Variants in UBE2K observed in about 807,000 individuals in gnomAD.
UBE2K encodes the protein ubiquitin conjugating enzyme E2 K.
UBE2K carries 6 observed loss-of-function variants against 30.0 expected under a neutral mutation model. The ratio of observed to expected loss-of-function variants is 0.20; its 90% CI spans 0.11 to 0.39. The LOEUF is 0.39. Among genes scored for constraint, UBE2K ranks in the 10% least tolerant of loss-of-function variants. UBE2K has a pLI of 1.00. For synonymous variants in UBE2K, 86 were observed against 83.7 expected, an observed-to-expected ratio of 1.03 and a Z score of -0.15; for missense variants, 61 against 241.6, an observed-to-expected ratio of 0.25 and a Z score of 4.96.
At chr4:39,742,162 G>A (rs138624499) in intron 2 of UBE2K, among the ~76,000 whole-genome samples, 3 of 151,780 alleles carry the variant, frequency 2.0e-5, no homozygotes, top group African/African-American at 7.2e-5. Flanking sequence ...TTATAGAGAT[G>A]GTTTAATCTG....
At chr4:39,774,489 T>G (rs2109413390) in intron 4 of UBE2K, among the ~76,000 whole-genome samples, 1 of 150,542 alleles carries the variant, frequency 6.6e-6, no homozygotes, top group East Asian at 1.9e-4. Context: ...GGCGGGCCCC[T>G]GTAGTCTCAG....
intron 1 of UBE2K, among the ~76,000 whole-genome samples, chr4:39,716,729 G>A (rs1719085697): frequency 6.6e-6 from 1 of 152,124 alleles, no homozygotes; most frequent in Non-Finnish European, 1.5e-5. Flanking sequence ...CAGACACGGT[G>A]GCTCACGCCT....
In UBE2K at chr4:39,776,574, A is replaced by T. The variant is rs991919548; in HGVS notation, c.400-1108A>T. The stretch of plus-strand genomic sequence containing the variant: ...TCATGCTTTTTCAAGCATTGCATTC[A>T]TTTTTACATATTGTATCCAATCTAC... On this transcript the variant is annotated intron_variant, in intron 5 of 6. Coordinates refer to ENST00000261427, the MANE Select transcript of UBE2K (RefSeq NM_005339.5). 4.6e-4 allele frequency among the ~76,000 whole-genome samples: 70 copies of T among 151,952 alleles called. 3 individuals carry two copies. Among genetic ancestry groups the T allele is most frequent in the Non-Finnish European group, 5.9e-5 (4 of 68,000 alleles).
intron 1 of UBE2K, among the ~76,000 whole-genome samples, chr4:39,733,632 C>CA (rs1720199686): frequency 6.6e-6 from 1 of 152,056 alleles, no homozygotes; most frequent in Admixed American, 6.6e-5. Context: ...TGCACCCAGC[C>CA]AAATTAAAGG....
At chr4:39,760,251 C>T (rs1711836376) in intron 4 of UBE2K, among the ~76,000 whole-genome samples, 1 of 149,290 alleles carries the variant, frequency 6.7e-6, no homozygotes. Context: ...GTAATATCTA[C>T]CAAAGCTAAA....
intron 4 of UBE2K, chr4:39,771,191 C>T (rs1712796819): frequency 2.5e-6 from 4 of 1,612,930 alleles, no homozygotes; most frequent in Middle Eastern, 1.7e-4. Flanking sequence ...AGAAGCAGGT[C>T]GGCCACGATG....
chr4:39,775,510 G>C (rs1713232313), intron 5 of UBE2K, among the ~76,000 whole-genome samples: 1 of 152,212 alleles, frequency 6.6e-6, no homozygotes, highest in African/African-American at 2.4e-5. Context: ...AGCACTCTGG[G>C]AGGCTGAGGT....
At position 39,747,558 on chromosome 4, in the gene UBE2K, A is replaced by C. The variant is rs565425404; in HGVS notation, c.216+1748A>C. Reference sequence around the variant, plus strand: ...TAAGGCTGAATAATACTCCATTATAAGTATAGACCATATTTTGTTTTCTTA... The same window carrying C: ...TAAGGCTGAATAATACTCCATTATACGTATAGACCATATTTTGTTTTCTTA... On this transcript the variant is annotated intron_variant, in intron 3 of 6. Coordinates refer to ENST00000261427, the MANE Select transcript of UBE2K (RefSeq NM_005339.5). 2.0e-5 allele frequency among the ~76,000 whole-genome samples: 3 copies of C among 152,318 alleles called. No homozygotes were observed. In the East Asian group the frequency reaches 5.8e-4, roughly 29 times the overall value.
intron 1 of UBE2K, among the ~76,000 whole-genome samples, chr4:39,707,435 G>A (rs1718429386): frequency 2.6e-5 from 4 of 151,938 alleles, no homozygotes; most frequent in South Asian, 4.1e-4. Context: ...TCAGACCTCA[G>A]GTGATCCGCC....
chr4:39,766,603 G>A (rs1397574248), intron 4 of UBE2K, among the ~76,000 whole-genome samples: 4 of 152,008 alleles, frequency 2.6e-5, no homozygotes, highest in Non-Finnish European at 5.9e-5. Context: ...AAGTAGTGGG[G>A]TCTTGCTGTG....
intron 2 of UBE2K, among the ~76,000 whole-genome samples, chr4:39,742,469 G>A (rs1046251583): frequency 2.0e-5 from 3 of 152,138 alleles, no homozygotes; most frequent in African/African-American, 7.2e-5. Context: ...AGGCATAACG[G>A]CTCATGCCTG....
At chr4:39,772,064 T>C (rs1260501697) in intron 4 of UBE2K, among the ~76,000 whole-genome samples, 2 of 152,170 alleles carry the variant, frequency 1.3e-5, no homozygotes, top group East Asian at 3.9e-4. Context: ...CTCAAACTCC[T>C]GGCCTCAAGT....
intron 1 of UBE2K, among the ~76,000 whole-genome samples, chr4:39,734,830 TG>T (rs1720272439): frequency 6.6e-6 from 1 of 152,036 alleles, no homozygotes; most frequent in African/African-American, 2.4e-5. Context: ...AATAATAATT[TG>T]GGGGTGATGT....
chr4:39,772,759 C>T (rs1373013357), intron 4 of UBE2K, among the ~76,000 whole-genome samples: 2 of 150,540 alleles, frequency 1.3e-5, no homozygotes, highest in Non-Finnish European at 2.9e-5. Flanking sequence ...ATGATTTTGG[C>T]TCACGGCAAC....
At chr4:39,754,522 G>A (rs141086220) in intron 3 of UBE2K, among the ~76,000 whole-genome samples, 11 of 152,138 alleles carry the variant, frequency 7.2e-5, no homozygotes, top group East Asian at 3.9e-4. Context: ...TAAAGAGTCC[G>A]TTTTTTTCCA....
At chr4:39,706,794 A>G (rs904432861) in intron 1 of UBE2K, among the ~76,000 whole-genome samples, 4 of 151,898 alleles carry the variant, frequency 2.6e-5, no homozygotes, top group African/African-American at 9.7e-5. Flanking sequence ...CATGTTGACC[A>G]CAGCCCCAAA....
At chr4:39,750,209 A>C (rs972468191) in intron 3 of UBE2K, among the ~76,000 whole-genome samples, 3 of 152,060 alleles carry the variant, frequency 2.0e-5, no homozygotes, top group South Asian at 4.2e-4. Context: ...AAACAAAAAC[A>C]AAAAAAAGCA....
chr4:39,724,370 G>A (rs1007422601), intron 1 of UBE2K, among the ~76,000 whole-genome samples: 1 of 151,864 alleles, frequency 6.6e-6, no homozygotes, highest in Non-Finnish European at 1.5e-5. Context: ...TTCCCAAAGT[G>A]CTGGGATTAC....
intron 1 of UBE2K, among the ~76,000 whole-genome samples, chr4:39,724,610 A>AAAAAAAAAG (rs1719632529): frequency 9.7e-6 from 1 of 102,600 alleles, no homozygotes; most frequent in Non-Finnish European, 2.1e-5. Flanking sequence ...AAAAAAAAAA[A>AAAAAAAAAG]TACAAAAATT....
Sources: allele counts gnomAD v4.1 joint callset (sites outside exome capture counted in the v4.1 genomes callset), GRCh38; gene constraint gnomAD v4.1.1; transcripts MANE v1.5; gene names NCBI Gene and HGNC (gene_info 2026-07-23, HGNC 2026-07-21).